Variants in ITGBL1 observed in about 807,000 individuals in gnomAD.
ITGBL1 encodes integrin beta-like protein 1.
A neutral mutation model predicts 68.5 loss-of-function variants in ITGBL1; 51 were observed. The ratio of observed to expected loss-of-function variants is 0.74; its 90% confidence interval spans 0.59 to 0.94. The LOEUF (loss-of-function observed/expected upper bound fraction) is 0.94. Among genes scored for constraint, ITGBL1 ranks in the 40% least tolerant of loss-of-function variants. The pLI, the probability that ITGBL1 is intolerant of heterozygous loss-of-function variation, is 0.00. For missense variants in ITGBL1, 649 were observed against 647.4 expected (o/e 1.00, Z -0.03); for synonymous variants, 209 against 227.3 (o/e 0.92, Z 0.72).
At chr13:101,662,493 A>C (rs80145177) in intron 7 of ITGBL1, among the ~76,000 whole-genome samples, 4,801 of 152,186 alleles carry the variant, frequency 0.032, 97 homozygotes, top group Non-Finnish European at 0.048. Context: ...TGCATGTCAA[A>C]TTCCTCTATT....
chr13:101,652,157 G>C (rs2032773507), intron 7 of ITGBL1, among the ~76,000 whole-genome samples: 1 of 151,916 alleles, frequency 6.6e-6, no homozygotes, highest in Non-Finnish European at 1.5e-5. Context: ...CTTTATCTTA[G>C]CCAAAAGACC....
chr13:101,515,716 A>G (rs1278625150), intron 2 of ITGBL1, among the ~76,000 whole-genome samples: 2 of 152,040 alleles, frequency 1.3e-5, no homozygotes, highest in Admixed American at 6.6e-5. Flanking sequence ...GTTGTAATTG[A>G]CAGCGGAACA....
At chr13:101,544,332 T>A (rs921559985) in intron 2 of ITGBL1, among the ~76,000 whole-genome samples, 51 of 152,346 alleles carry the variant, frequency 3.3e-4, no homozygotes, top group African/African-American at 1.2e-3. Flanking sequence ...AGACCCTGTT[T>A]GCCTGGGTAT....
intron 7 of ITGBL1, among the ~76,000 whole-genome samples, chr13:101,601,709 G>A (rs1383292706): frequency 2.0e-5 from 3 of 152,154 alleles, no homozygotes; most frequent in African/African-American, 7.2e-5. Flanking sequence ...TATTCATTCA[G>A]GAGCAGGTTG....
intron 7 of ITGBL1, among the ~76,000 whole-genome samples, chr13:101,604,887 T>TATATGTATATATATATACAC: frequency 4.5e-5 from 1 of 22,164 alleles, no homozygotes; most frequent in Non-Finnish European, 8.2e-5. Context: ...TATATATATA[T>TATATGTATATATATATACAC]ACACACACAC....
chr13:101,464,499 A>G (rs1431330912), intron 2 of ITGBL1, among the ~76,000 whole-genome samples: 3 of 151,970 alleles, frequency 2.0e-5, no homozygotes, highest in Non-Finnish European at 4.4e-5. Flanking sequence ...ATATGTATAC[A>G]TAGAAGACCC....
intron 2 of ITGBL1, among the ~76,000 whole-genome samples, chr13:101,495,506 G>A (rs1043061456): frequency 5.3e-5 from 8 of 152,044 alleles, no homozygotes; most frequent in South Asian, 4.2e-4. Flanking sequence ...CTGACTCCCC[G>A]GATTTAATCC....
chr13:101,562,253 A>G (rs1447053947), intron 2 of ITGBL1, among the ~76,000 whole-genome samples: 1 of 148,354 alleles, frequency 6.7e-6, no homozygotes, highest in African/African-American at 2.6e-5. Flanking sequence ...TCAATAAACA[A>G]AACAGAAAGC....
chr13:101,714,323 T>C (rs1594008159), intron 9 of ITGBL1, 115 bp from the exon 10 acceptor site: 1 of 719,590 alleles, frequency 1.4e-6, no homozygotes, highest in Non-Finnish European at 2.5e-6. Context: ...AATACACTTT[T>C]ACCTTTGGAT....
At chr13:101,556,002 C>A (rs183024951) in intron 2 of ITGBL1, among the ~76,000 whole-genome samples, 10 of 152,290 alleles carry the variant, frequency 6.6e-5, no homozygotes, top group African/African-American at 2.4e-4. Flanking sequence ...GTTAGGGCAA[C>A]CTGCTCTCCA....
At position 101,583,241 on chromosome 13, in the gene ITGBL1, C is replaced by A. The variant is rs1056570586; in HGVS notation, c.753C>A (p.Thr251=). 6.2e-7 allele frequency: 1 copy of A among 1,613,284 alleles called. No homozygotes were observed. The highest frequency in any genetic ancestry group is 1.3e-5 in the African/African-American group (1 of 74,866). ...GGACTTGTGTATGTGGTGAATGTAC[C>A]TGTCACGATGTTGATCCGACTGGGG... ...NRGTCVCGEC[T]CHDVDPTGDW... Residue 251 remains threonine, a synonymous_variant, in exon 6 of 11, where the codon ACC becomes ACA. Transcript: ENST00000376180.
intron 7 of ITGBL1, among the ~76,000 whole-genome samples, chr13:101,661,575 TAAAAC>T (rs1185072413): frequency 6.6e-6 from 1 of 152,198 alleles, no homozygotes; most frequent in Non-Finnish European, 1.5e-5. Context: ...AGTCCAGTAA[TAAAAC>T]AAACAATTGA....
At chr13:101,483,137 G>GCTAATGACA (rs2048650347) in intron 2 of ITGBL1, among the ~76,000 whole-genome samples, 1 of 152,162 alleles carries the variant, frequency 6.6e-6, no homozygotes, top group African/African-American at 2.4e-5. Context: ...TCACATGGTG[G>GCTAATGACA]CTAATGACAA....
At position 101,587,238 on chromosome 13, in the gene ITGBL1, G is replaced by A. The variant is rs910913985; in HGVS notation, c.868+3882G>A. ...TTATGCCTAACACATCATGAATATAGGGAACACAAATATGTTGAAACATGG... is the reference window on the plus strand; with the variant it reads ...TTATGCCTAACACATCATGAATATAAGGAACACAAATATGTTGAAACATGG... On this transcript the variant is annotated intron_variant, in intron 6 of 10. Transcript: ENST00000376180. Among the ~76,000 whole-genome samples, 14 of 152,156 alleles carry A rather than the reference G, an allele frequency of 9.2e-5. No homozygotes were observed. The East Asian group carries it at 1.4e-3, about 15-fold the overall frequency.
intron 2 of ITGBL1, among the ~76,000 whole-genome samples, chr13:101,480,042 A>G (rs2048595178): frequency 6.6e-6 from 1 of 152,154 alleles, no homozygotes; most frequent in South Asian, 2.1e-4. Context: ...ACTATTCACT[A>G]TCACAAAAGA....
At chr13:101,668,830 T>A (rs1295100812) in intron 7 of ITGBL1, among the ~76,000 whole-genome samples, 1 of 152,144 alleles carries the variant, frequency 6.6e-6, no homozygotes, top group Non-Finnish European at 1.5e-5. Context: ...GAGGTTCATG[T>A]TTATTTAATT....
chr13:101,499,491 T>C (rs1356962666), intron 2 of ITGBL1, among the ~76,000 whole-genome samples: 1 of 152,198 alleles, frequency 6.6e-6, no homozygotes, highest in East Asian at 1.9e-4. Flanking sequence ...GAAAATTGTT[T>C]GCTAGCACTC....
At chr13:101,692,332 A>C (rs1244371493) in intron 7 of ITGBL1, among the ~76,000 whole-genome samples, 3 of 152,204 alleles carry the variant, frequency 2.0e-5, no homozygotes, top group Admixed American at 6.5e-5. Flanking sequence ...GAATGAAACA[A>C]AAATTAGAGA....
chr13:101,587,564 G>A (rs578041461), intron 6 of ITGBL1, among the ~76,000 whole-genome samples: 1 of 152,088 alleles, frequency 6.6e-6, no homozygotes, highest in Non-Finnish European at 1.5e-5. Context: ...TACCACTCAG[G>A]TCTATTTACC....
Sources: gnomAD v4.1 joint callset for allele counts (sites outside exome capture counted in the v4.1 genomes callset) on GRCh38, gnomAD v4.1.1 for gene constraint, MANE v1.5 for transcripts, NCBI Gene and HGNC (gene_info 2026-07-23, HGNC 2026-07-21) for gene names.